Variants in ZNF804B observed in about 807,000 individuals in gnomAD.
ZNF804B encodes zinc finger 804B.
In ZNF804B, 80 loss-of-function variants were observed where a neutral mutation model predicts 101.4. The ratio of observed to expected loss-of-function variants is 0.79; its 90% CI spans 0.66 to 0.95. ZNF804B has a LOEUF of 0.95. Among genes scored for constraint, ZNF804B ranks in the 40% least tolerant of loss-of-function variants. The pLI is 0.00. For synonymous variants in ZNF804B, 622 were observed against 558.8 expected, an observed-to-expected ratio of 1.11 and a Z score of -1.59; for missense variants, 1,673 against 1,561.9, an observed-to-expected ratio of 1.07 and a Z score of -1.20.
chr7:89,283,702 T>C (rs897676301), intron 2 of ZNF804B, among the ~76,000 whole-genome samples: 1 of 152,032 alleles, frequency 6.6e-6, no homozygotes, highest in African/African-American at 2.4e-5. Context: ...TTTATTATTT[T>C]ATATTTTTAA....
At chr7:88,861,973 A>G (rs79168907) in intron 1 of ZNF804B, among the ~76,000 whole-genome samples, 2 of 152,122 alleles carry the variant, frequency 1.3e-5, no homozygotes, top group African/African-American at 4.8e-5. Flanking sequence ...GGGGGACCCA[A>G]TGCTAAGGAC....
chr7:89,245,864 C>T (rs1375907588), intron 2 of ZNF804B, among the ~76,000 whole-genome samples: 3 of 152,148 alleles, frequency 2.0e-5, no homozygotes, highest in Non-Finnish European at 4.4e-5. Context: ...CAGACAGCCT[C>T]CTTCTGTGAC....
chr7:89,216,368 A>T (rs1788896803), intron 1 of ZNF804B, among the ~76,000 whole-genome samples: 1 of 150,458 alleles, frequency 6.6e-6, no homozygotes, highest in African/African-American at 2.5e-5. Context: ...CTTGATTCTA[A>T]GTCTACTAAA....
At chr7:89,154,831 A>G (rs891479845) in intron 1 of ZNF804B, among the ~76,000 whole-genome samples, 1 of 152,230 alleles carries the variant, frequency 6.6e-6, no homozygotes, top group African/African-American at 2.4e-5. Context: ...AATATAGTCA[A>G]TAATCAATAT....
intron 1 of ZNF804B, among the ~76,000 whole-genome samples, chr7:88,888,558 T>G (rs1372818525): frequency 6.6e-6 from 1 of 152,076 alleles, no homozygotes; most frequent in Middle Eastern, 3.2e-3. Context: ...TGTAGAGCAA[T>G]TAACACACCT....
intron 1 of ZNF804B, among the ~76,000 whole-genome samples, chr7:89,071,154 A>T (rs181935115): frequency 3.8e-4 from 58 of 152,154 alleles, no homozygotes; most frequent in African/African-American, 1.4e-3. Flanking sequence ...ACAAGAAAAA[A>T]CTATGTACAT....
At chr7:89,085,583 A>G (rs886804641) in intron 1 of ZNF804B, among the ~76,000 whole-genome samples, 2 of 151,836 alleles carry the variant, frequency 1.3e-5, no homozygotes, top group African/African-American at 4.8e-5. Flanking sequence ...TTTCACTTGG[A>G]TGCATGAACA....
At chr7:88,911,148 G>A (rs910590054) in intron 1 of ZNF804B, among the ~76,000 whole-genome samples, 1 of 151,952 alleles carries the variant, frequency 6.6e-6, no homozygotes, top group African/African-American at 2.4e-5. Context: ...TCTGAAGGCC[G>A]AGAGGTTAAA....
intron 1 of ZNF804B, among the ~76,000 whole-genome samples, chr7:89,194,598 G>A (rs1788516092): frequency 1.3e-5 from 2 of 151,384 alleles, no homozygotes; most frequent in South Asian, 4.2e-4. Flanking sequence ...GTTTTTCTCA[G>A]GTTTGTCAAA....
chr7:89,181,326 C>T (rs1001995147), intron 1 of ZNF804B, among the ~76,000 whole-genome samples: 1 of 152,180 alleles, frequency 6.6e-6, no homozygotes, highest in Non-Finnish European at 1.5e-5. Context: ...GACCCCAGCG[C>T]ACTTTAGCCC....
intron 1 of ZNF804B, among the ~76,000 whole-genome samples, chr7:89,136,734 T>A (rs1562894020): frequency 9.2e-6 from 1 of 109,188 alleles, no homozygotes; most frequent in Non-Finnish European, 1.8e-5. Flanking sequence ...TGTGTGTGTG[T>A]GAGTGTGTGT....
chr7:89,190,243 G>T (rs1477913334), intron 1 of ZNF804B, among the ~76,000 whole-genome samples: 1 of 151,396 alleles, frequency 6.6e-6, no homozygotes, highest in Non-Finnish European at 1.5e-5. Context: ...GCTGAGGCAG[G>T]ATAATCACTT....
chr7:88,940,118 C>T (rs1793035502), intron 1 of ZNF804B, among the ~76,000 whole-genome samples: 1 of 151,458 alleles, frequency 6.6e-6, no homozygotes, highest in Non-Finnish European at 1.5e-5. Context: ...TTCATAAATA[C>T]CAAAGGATGA....
intron 1 of ZNF804B, among the ~76,000 whole-genome samples, chr7:88,890,604 A>G (rs979479147): frequency 6.6e-5 from 10 of 152,168 alleles, no homozygotes; most frequent in Non-Finnish European, 5.9e-5. Context: ...GTTTTACCAC[A>G]TAGGATGTTT....
chr7:89,325,236 C>T (rs1790880410), intron 2 of ZNF804B, among the ~76,000 whole-genome samples: 1 of 151,960 alleles, frequency 6.6e-6, no homozygotes, highest in Admixed American at 6.6e-5. Flanking sequence ...ACTGACTAAA[C>T]CAAATTTGTG....
chr7:89,171,288 G>GCTGCTGCGTCTT (rs1215246589), intron 1 of ZNF804B, among the ~76,000 whole-genome samples: 23 of 82,484 alleles, frequency 2.8e-4, no homozygotes, highest in African/African-American at 1.0e-3. Flanking sequence ...TGCTGCTGCT[G>GCTGCTGCGTCTT]CTTCTTCTTC....
intron 1 of ZNF804B, among the ~76,000 whole-genome samples, chr7:88,908,200 G>C (rs774494834): frequency 4.0e-5 from 6 of 151,610 alleles, no homozygotes; most frequent in Admixed American, 3.3e-4. Context: ...AGATCTTTAA[G>C]ATACATTACA....
At chr7:89,305,657 A>C (rs1790550866) in intron 2 of ZNF804B, among the ~76,000 whole-genome samples, 1 of 152,056 alleles carries the variant, frequency 6.6e-6, no homozygotes, top group Non-Finnish European at 1.5e-5. Context: ...AAATGTGATA[A>C]ACATAAATGT....
At position 88,760,053 on chromosome 7, in the gene ZNF804B, G is replaced by T; in HGVS notation, c.77G>T (p.Gly26Val). ...CGGGGCATTAAAGGAGTCTTCAGGG[G>T]ACCCCTGTGCAAGAACGGATCTCCC... ...HYRGIKGVFR[G>V]PLCKNGSPSP... is the part of the protein sequence containing the mutation. The change falls in exon 1 of 4, where the codon GGA becomes GTA. Residue 26 changes from glycine (G) to valine (V), a missense_variant. By Grantham distance (109) the Gly-to-Val change is moderately radical. Transcript: ENST00000333190. 6.2e-7 allele frequency: 1 copy of T among 1,614,224 alleles called. No individual in the cohort carries two copies. The highest frequency in any genetic ancestry group is 8.5e-7 in the Non-Finnish European group (1 of 1,180,028).
Sources: allele counts gnomAD v4.1 joint callset (sites outside exome capture counted in the v4.1 genomes callset), GRCh38; gene constraint gnomAD v4.1.1; transcripts MANE v1.5; gene names NCBI Gene and HGNC (gene_info 2026-07-23, HGNC 2026-07-21).